SPAG17: variants seen among roughly 807,000 people sequenced by gnomAD.
SPAG17 encodes the protein sperm-associated antigen 17.
A neutral mutation model predicts 273.6 loss-of-function variants in SPAG17; 169 were observed. The observed-to-expected ratio is 0.62, with a 90% CI of 0.55 to 0.70. The LOEUF (loss-of-function observed/expected upper bound fraction) is 0.70. Among genes scored for constraint, SPAG17 ranks in the 30% least tolerant of loss-of-function variants. The probability of loss-of-function intolerance (pLI) is 0.00; values close to 1 mark genes in which losing one functional copy is unlikely to be tolerated. For missense variants in SPAG17, 2,557 were observed against 2,627.8 expected (o/e 0.97, Z 0.59); for synonymous variants, 825 against 873.2 (o/e 0.94, Z 0.97).
At chr1:118,067,012 T>C in intron 17 of SPAG17, 113 bp from the exon 18 acceptor site, 1 of 932,544 alleles carries the variant, frequency 1.1e-6, no homozygotes. Context: ...CTCTACATTG[T>C]TAGTCAAGTT....
At chr1:118,162,273 A>C (rs1206377301) in intron 1 of SPAG17, among the ~76,000 whole-genome samples, 1 of 152,220 alleles carries the variant, frequency 6.6e-6, no homozygotes, top group East Asian at 1.9e-4. Context: ...TCAATGGTGT[A>C]ATAAAAAGAG....
chr1:118,024,211 C>T (rs182233826), intron 27 of SPAG17, among the ~76,000 whole-genome samples: 11 of 151,842 alleles, frequency 7.2e-5, no homozygotes, highest in African/African-American at 2.4e-4. Flanking sequence ...TGATTCTTTT[C>T]TCCCTTCATT....
At chr1:118,038,890 C>T (rs1318478531) in intron 23 of SPAG17, among the ~76,000 whole-genome samples, 1 of 151,904 alleles carries the variant, frequency 6.6e-6, no homozygotes, top group Non-Finnish European at 1.5e-5. Flanking sequence ...TGCACAACAC[C>T]AAGGGTAATG....
At chr1:118,089,227 C>G (rs558104367) in intron 10 of SPAG17, among the ~76,000 whole-genome samples, 1 of 151,684 alleles carries the variant, frequency 6.6e-6, no homozygotes, top group Non-Finnish European at 1.5e-5. Context: ...TACTGGAGAC[C>G]CTCCAGAAAG....
At chr1:117,972,580 A>G (rs1654684734) in intron 44 of SPAG17, among the ~76,000 whole-genome samples, 1 of 152,214 alleles carries the variant, frequency 6.6e-6, no homozygotes, top group Admixed American at 6.5e-5. Context: ...ACATCATCTC[A>G]GAGTTTGTTA....
chr1:118,116,712 C>T (rs182231796), intron 3 of SPAG17, among the ~76,000 whole-genome samples: 11 of 152,338 alleles, frequency 7.2e-5, no homozygotes, highest in South Asian at 4.1e-4. Context: ...TTGGGGTTCC[C>T]GCATTGCATC....
In SPAG17 at chr1:118,150,615, A is replaced by T. The variant is rs767565781; in HGVS notation, c.243T>A (p.Asn81Lys). The stretch of plus-strand genomic sequence containing the variant: ...TAGATGAAGCAGATCCAACAAGTGT[A>T]TTTATTTCATTAATCTGTAAGAAAA... ...QDILQQINEI[N>K]TLVGSASSKK... Residue 81 changes from asparagine to lysine, a missense_variant, in exon 3 of 49, where the codon AAT becomes AAA. Coordinates refer to ENST00000336338, the MANE Select transcript of SPAG17 (RefSeq NM_206996.4). 3.3e-6 allele frequency: 5 copies of T among 1,537,186 alleles called. No individual in the cohort carries two copies. The highest frequency in any genetic ancestry group is 4.5e-6 in the Non-Finnish European group (5 of 1,121,750).
At chr1:117,995,134 T>G in intron 34 of SPAG17, among the ~76,000 whole-genome samples, 1 of 152,142 alleles carries the variant, frequency 6.6e-6, no homozygotes, top group East Asian at 1.9e-4. Flanking sequence ...TTCTCCTTTA[T>G]GTTTTCTTTT....
rs999970755 is a variant in SPAG17 at position 118,066,738 on chromosome 1, T to A, written c.2540+7A>T. 5 of 1,604,138 alleles carry A rather than the reference T, an allele frequency of 3.1e-6. No individual in the cohort carries two copies. The highest frequency in any genetic ancestry group is 1.7e-4 in the Middle Eastern group (1 of 5,980). Reference sequence around the variant, plus strand: ...AACTAATTAACTAAACTTTCCAAATTTGTTACCTGAATCCAACATTGGAGT... The same window carrying A: ...AACTAATTAACTAAACTTTCCAAATATGTTACCTGAATCCAACATTGGAGT... On this transcript the variant is annotated splice_region_variant and intron_variant, in intron 18 of 48. Coordinates refer to ENST00000336338, the MANE Select transcript of SPAG17 (RefSeq NM_206996.4).
intron 18 of SPAG17, among the ~76,000 whole-genome samples, chr1:118,060,603 C>T (rs1207457804): frequency 6.6e-6 from 1 of 152,148 alleles, no homozygotes; most frequent in African/African-American, 2.4e-5. Flanking sequence ...TGACTGTATA[C>T]TTGCCTTTGC....
rs1660139658 is a variant in SPAG17, at chr1:118,017,991, A to G, written c.4070-1809T>C. On this transcript the variant is annotated intron_variant, in intron 28 of 48. Transcript: ENST00000336338. ...ACCATAACTGCTAGAAAACATCTTT[A>G]AATCAGTCTTCTTGAAAGTGTCTCT... Among the ~76,000 whole-genome samples, 4 of 152,224 alleles carry G rather than the reference A, an allele frequency of 2.6e-5. No individual in the cohort carries two copies. In the South Asian group the frequency reaches 8.3e-4, roughly 32 times the overall value.
Position 118,081,098 on chromosome 1 carries a change from T to TA in SPAG17, c.2209+2dup, listed in dbSNP as rs1557996709. 1 of 1,598,588 alleles carries TA rather than the reference T, an allele frequency of 6.3e-7. No individual in the cohort carries two copies. The highest frequency in any genetic ancestry group is 1.1e-5 in the South Asian group (1 of 90,686). On this transcript the variant is annotated splice_region_variant and intron_variant, in intron 15 of 48. Coordinates refer to ENST00000336338, the MANE Select transcript of SPAG17 (RefSeq NM_206996.4). Reference sequence around the variant, plus strand: ...ACACACACACACACACACTTTAACTTACCCAGAGACTCATGTTGGGGCTGA... The same window carrying TA: ...ACACACACACACACACACTTTAACTTAACCCAGAGACTCATGTTGGGGCTGA...
chr1:117,959,009 T>C, intron 48 of SPAG17: 1 of 1,613,036 alleles, frequency 6.2e-7, no homozygotes, highest in South Asian at 1.1e-5. Context: ...TCCGGGTAAG[T>C]GTCTTTGTAT....
At chr1:118,058,826 A>G (rs1289114401) in intron 18 of SPAG17, among the ~76,000 whole-genome samples, 2 of 152,234 alleles carry the variant, frequency 1.3e-5, no homozygotes, top group African/African-American at 4.8e-5. Flanking sequence ...AATATCAAAC[A>G]TTATTAAATA....
intron 12 of SPAG17, 25 bp downstream of exon 12, chr1:118,086,646 C>G (rs371613446): frequency 6.2e-7 from 1 of 1,602,360 alleles, no homozygotes. Context: ...ATCGGTTTTC[C>G]TTGGGCTAAC....
At chr1:118,020,909 A>G (rs1660436807) in intron 28 of SPAG17, among the ~76,000 whole-genome samples, 1 of 152,166 alleles carries the variant, frequency 6.6e-6, no homozygotes, top group African/African-American at 2.4e-5. Flanking sequence ...AGTGCATATA[A>G]AGTTTTATTA....
intron 7 of SPAG17, among the ~76,000 whole-genome samples, chr1:118,095,621 G>T (rs1655659755): frequency 6.6e-6 from 1 of 152,228 alleles, no homozygotes; most frequent in African/African-American, 2.4e-5. Context: ...ACATGCTTGG[G>T]AGAACAGCTG....
At position 117,953,617 on chromosome 1, in the gene SPAG17, A is replaced by G. The variant is rs1313990832; in HGVS notation, c.*433T>C. On this transcript the variant is annotated 3_prime_UTR_variant, in exon 49 of 49. Coordinates refer to ENST00000336338, the MANE Select transcript of SPAG17 (RefSeq NM_206996.4). ...TTTAGTAAAAGTTTTATTCTGTATC[A>G]ACCAGAAAGCCATTTTTTTGGCAAA... 6.7e-7 allele frequency: 1 copy of G among 1,501,254 alleles called. No homozygotes were observed. The highest frequency in any genetic ancestry group is 9.0e-7 in the Non-Finnish European group (1 of 1,107,024). 93.0% of individuals were successfully genotyped at this position (1,501,254 alleles called of 1,614,324 possible).
At chr1:118,156,643 C>T (rs1256040291) in intron 1 of SPAG17, among the ~76,000 whole-genome samples, 4 of 152,174 alleles carry the variant, frequency 2.6e-5, no homozygotes, top group Non-Finnish European at 5.9e-5. Context: ...AGAAAAAAGC[C>T]AAAGACTCAC....
Sources: gnomAD v4.1 joint callset for allele counts (sites outside exome capture counted in the v4.1 genomes callset) on GRCh38, gnomAD v4.1.1 for gene constraint, MANE v1.5 for transcripts, NCBI Gene and HGNC (gene_info 2026-07-23, HGNC 2026-07-21) for gene names.